OR1M1: variants seen among roughly 807,000 people sequenced by gnomAD.
OR1M1 encodes olfactory receptor family 1 subfamily M member 1, also known as olfactory receptor 1M1.
For synonymous variants in OR1M1, 157 were observed against 165.5 expected (o/e 0.95, Z 0.39); for missense variants, 397 against 401.8 (o/e 0.99, Z 0.10).
At chr19:9,088,424 C>T (rs1392722653) in intron 1 of OR1M1, among the ~76,000 whole-genome samples, 5 of 152,180 alleles carry the variant, frequency 3.3e-5, no homozygotes, top group South Asian at 4.1e-4. Context: ...GATGAATCTT[C>T]GGGTTCCTGA....
Position 9,093,903 on chromosome 19 carries a change from G to A in OR1M1, c.659G>A (p.Arg220His), listed in dbSNP as rs746194472. 18 of 1,613,934 alleles carry A rather than the reference G, an allele frequency of 1.1e-5. No individual in the cohort carries two copies. Among genetic ancestry groups the A allele is most frequent in the Non-Finnish European group, 1.4e-5 (17 of 1,180,038 alleles). The change falls in exon 2 of 2, where the codon CGC (arginine) becomes CAC (histidine). Residue 220 changes from arginine (R) to histidine (H), a missense_variant. Arg to His is a conservative substitution (Grantham distance 29, BLOSUM62 0). Coordinates refer to ENST00000641627, the MANE Select transcript of OR1M1 (RefSeq NM_001004456.2). ...GTCTGCATCCTGGCCTCCTATGCTC[G>A]CATCCTTGTGGCCATCATGAAGGTC... ...PFVCILASYA[R>H]ILVAIMKVPS...
At chr19:9,091,255 A>G (rs2050291402) in intron 1 of OR1M1, among the ~76,000 whole-genome samples, 1 of 152,168 alleles carries the variant, frequency 6.6e-6, no homozygotes, top group African/African-American at 2.4e-5. Context: ...TGGGAGGCCA[A>G]GTGTGGGCGG....
chr19:9,092,371 A>C (rs1244534133), intron 1 of OR1M1, among the ~76,000 whole-genome samples: 1 of 152,008 alleles, frequency 6.6e-6, no homozygotes, highest in East Asian at 1.9e-4. Context: ...AGATGGGAGG[A>C]TCACTCAAGC....
intron 1 of OR1M1, among the ~76,000 whole-genome samples, chr19:9,091,319 T>C (rs2050291664): frequency 1.2e-5 from 1 of 80,204 alleles, no homozygotes; most frequent in African/African-American, 5.4e-5. Context: ...TTAAACCCCA[T>C]TTCTTTTTTT....
chr19:9,092,446 A>G (rs973069327), intron 1 of OR1M1, among the ~76,000 whole-genome samples: 7 of 151,944 alleles, frequency 4.6e-5, no homozygotes, highest in African/African-American at 1.7e-4. Flanking sequence ...ACAAGAAAAG[A>G]TAAATAAGCC....
rs773105075 is a variant in OR1M1 at position 9,093,858 on chromosome 19, T to C, written c.614T>C (p.Met205Thr). The change falls in exon 2 of 2, where the codon ATG (methionine) becomes ACG (threonine). Residue 205 changes from methionine (M) to threonine (T), a missense_variant. Transcript: ENST00000641627. ...NRIFILIVAGMVIATPFVCIL... is the reference protein window; with the variant it reads ...NRIFILIVAGTVIATPFVCIL... ...ATCTTCATCCTCATTGTGGCAGGGATGGTGATAGCCACGCCCTTTGTCTGC... is the reference window on the plus strand; with the variant it reads ...ATCTTCATCCTCATTGTGGCAGGGACGGTGATAGCCACGCCCTTTGTCTGC... 1 of 1,613,984 alleles carries C rather than the reference T, an allele frequency of 6.2e-7. No individual in the cohort carries two copies. Among genetic ancestry groups the C allele is most frequent in the African/African-American group, 1.3e-5 (1 of 74,930 alleles).
rs544023617 is a variant in OR1M1 at position 9,093,913 on chromosome 19, G to A, written c.669G>A (p.Val223=). ...CILASYARIL[V]AIMKVPSAGG... is the part of the protein sequence containing the mutation. ...TGGCCTCCTATGCTCGCATCCTTGT[G>A]GCCATCATGAAGGTCCCCTCTGCAG... The change falls in exon 2 of 2, where the codon GTG becomes GTA. Residue 223 remains valine (V), a synonymous_variant. Transcript: ENST00000641627. 6.2e-7 allele frequency: 1 copy of A among 1,614,066 alleles called. No homozygotes were observed. Among genetic ancestry groups the A allele is most frequent in the African/African-American group, 1.3e-5 (1 of 75,030 alleles).
In OR1M1 at chr19:9,094,137, A is replaced by AAGGGGCTCTC; in HGVS notation, c.897_906dup (p.Lys303GlyfsTer41). The AAGGGGCTCTC allele has an allele frequency of 6.2e-7, 1 of 1,613,054 alleles. No individual in the cohort carries two copies. Among genetic ancestry groups the AAGGGGCTCTC allele is most frequent in the Non-Finnish European group, 8.5e-7 (1 of 1,179,944 alleles). ...TACAGCTTGAGGAACAGAGACCTGA[A>AAGGGGCTCTC]AGGGGCTCTCAGGAAGCTGGTCAAC... On this transcript the variant is annotated frameshift_variant, in exon 2 of 2. Coordinates refer to ENST00000641627, the MANE Select transcript of OR1M1 (RefSeq NM_001004456.2). LOFTEE classifies it low-confidence loss of function (END_TRUNC).
intron 1 of OR1M1, among the ~76,000 whole-genome samples, chr19:9,090,709 C>G (rs917432427): frequency 1.3e-5 from 2 of 151,806 alleles, no homozygotes; most frequent in Non-Finnish European, 2.9e-5. Flanking sequence ...GCTAGGATGA[C>G]AGGCATGAGC....
At position 9,093,075 on chromosome 19, in the gene OR1M1, T is replaced by C. The variant is rs534316694; in HGVS notation, c.-13-157T>C. On this transcript the variant is annotated intron_variant, in intron 1 of 1. Transcript: ENST00000641627. ...TATACACACACACATATATATTCTA[T>C]ATATACACACACACACACACACACA... 23 of 459,958 alleles carry C rather than the reference T, an allele frequency of 5.0e-5. No homozygotes were observed. The South Asian group carries it at 7.3e-4, about 15-fold the overall frequency. 28.5% of individuals were successfully genotyped at this position (459,958 alleles called of 1,614,324 possible). A position where few individuals can be genotyped will look rare whatever the true frequency, so the allele number is the denominator to read the frequency against.
intron 1 of OR1M1, among the ~76,000 whole-genome samples, chr19:9,088,184 C>T (rs918090861): frequency 7.2e-5 from 11 of 152,152 alleles, no homozygotes; most frequent in African/African-American, 2.7e-4. Flanking sequence ...AGCCACTGCG[C>T]CCAGCCTGGA....
chr19:9,093,630 C>T lies in OR1M1; in HGVS notation c.386C>T (p.Pro129Leu), dbSNP rs1292472845. ...GACCGGTTCGTGGCCATCTGCCACCCATTGCACTACGCCAAGATCATGAGC... is the reference window on the plus strand; with the variant it reads ...GACCGGTTCGTGGCCATCTGCCACCTATTGCACTACGCCAAGATCATGAGC... ...AYDRFVAICH[P>L]LHYAKIMSLR... Residue 129 changes from proline (P) to leucine (L), a missense_variant, in exon 2 of 2, where the codon CCA (proline) becomes CTA (leucine). Physicochemically the swap from Pro to Leu is moderately conservative, Grantham distance 98. Coordinates refer to ENST00000641627, the MANE Select transcript of OR1M1 (RefSeq NM_001004456.2). 5.6e-6 allele frequency: 9 copies of T among 1,614,168 alleles called. No individual in the cohort carries two copies. Among genetic ancestry groups the T allele is most frequent in the East Asian group, 2.2e-5 (1 of 44,866 alleles).
intron 1 of OR1M1, among the ~76,000 whole-genome samples, chr19:9,091,578 G>C (rs2050293257): frequency 6.6e-6 from 1 of 151,948 alleles, no homozygotes; most frequent in South Asian, 2.1e-4. Flanking sequence ...AGAATTGCTT[G>C]AGCCTGGGAA....
chr19:9,091,488 A>G (rs962638991), intron 1 of OR1M1, among the ~76,000 whole-genome samples: 10 of 151,994 alleles, frequency 6.6e-5, no homozygotes, highest in Non-Finnish European at 2.9e-5. Context: ...GTTAAACCCC[A>G]TTTCTACTAA....
intron 1 of OR1M1, among the ~76,000 whole-genome samples, chr19:9,087,425 G>A (rs1333156202): frequency 6.6e-6 from 1 of 151,672 alleles, no homozygotes; most frequent in East Asian, 1.9e-4. Flanking sequence ...CTACAGGCAT[G>A]TGCCACCACA....
rs2050306501 is a variant in OR1M1, at chr19:9,093,471, A to G, written c.227A>G (p.Asn76Ser). The part of the protein sequence containing the change: ...LSLVDFCLAT[N>S]TIPKMLVSLQ... ...CTGGTTGATTTCTGTCTGGCCACCA[A>G]CACCATCCCTAAGATGCTGGTGAGC... Residue 76 changes from asparagine to serine, a missense_variant, in exon 2 of 2, where the codon AAC becomes AGC. Asn to Ser is a conservative substitution (Grantham distance 46, BLOSUM62 1). Transcript: ENST00000641627. 1.3e-5 allele frequency: 21 copies of G among 1,613,820 alleles called. No individual in the cohort carries two copies. Among genetic ancestry groups the G allele is most frequent in the African/African-American group, 4.0e-5 (3 of 74,858 alleles).
Position 9,087,324 on chromosome 19 carries a change from C to A in OR1M1, c.-14+167C>A, listed in dbSNP as rs190176466. 1.5e-4 allele frequency among the ~76,000 whole-genome samples: 23 copies of A among 152,300 alleles called. 1 individual carries two copies. Among genetic ancestry groups the A allele is most frequent in the Admixed American group, 1.5e-3 (23 of 15,288 alleles). On this transcript the variant is annotated intron_variant, in intron 1 of 1. Coordinates refer to ENST00000641627, the MANE Select transcript of OR1M1 (RefSeq NM_001004456.2). Reference sequence around the variant, plus strand: ...ACAGAACCTTGCTCTGTTATTCAGGCTGGAGTGCAGTGGCACAATCACAGC... The same window carrying A: ...ACAGAACCTTGCTCTGTTATTCAGGATGGAGTGCAGTGGCACAATCACAGC...
chr19:9,093,323 C>A lies in OR1M1; in HGVS notation c.79C>A (p.Leu27Ile). ...LSEKPEQETL[L>I]FSLFFCMYLV... ...AGAAAAGCCAGAGCAGGAGACGCTT[C>A]TCTTTTCCCTGTTCTTCTGCATGTA... The change falls in exon 2 of 2, where the codon CTC (leucine) becomes ATC (isoleucine). Residue 27 changes from leucine to isoleucine, a missense_variant. Physicochemically the swap from Leu to Ile is conservative, Grantham distance 5. Transcript: ENST00000641627. The A allele has an allele frequency of 6.2e-7, 1 of 1,613,924 alleles. No individual in the cohort carries two copies. Among genetic ancestry groups the A allele is most frequent in the Non-Finnish European group, 8.5e-7 (1 of 1,179,944 alleles).
chr19:9,091,951 C>T (rs558471115), intron 1 of OR1M1, among the ~76,000 whole-genome samples: 2 of 151,996 alleles, frequency 1.3e-5, no homozygotes, highest in African/African-American at 4.8e-5. Context: ...TGCTCTGTCA[C>T]CAGGCTGGAG....
Sources: gnomAD v4.1 joint callset for allele counts (sites outside exome capture counted in the v4.1 genomes callset) on GRCh38, gnomAD v4.1.1 for gene constraint, MANE v1.5 for transcripts, NCBI Gene and HGNC (gene_info 2026-07-23, HGNC 2026-07-21) for gene names.